The following GRM8 variants were observed in gnomAD, a reference collection of about 807,000 sequenced individuals.
The protein encoded by GRM8 is glutamate metabotropic receptor 8.
In GRM8, 47 loss-of-function variants were observed where a neutral mutation model predicts 87.2. The observed-to-expected ratio is 0.54, with a 90% CI of 0.43 to 0.69. The LOEUF is 0.69. Ranked by LOEUF, GRM8 falls within the 30% of genes least tolerant of loss-of-function variation. The probability of loss-of-function intolerance (pLI) is 0.00; values close to 1 mark genes in which losing one functional copy is unlikely to be tolerated. For synonymous variants in GRM8, 396 were observed against 404.5 expected (o/e 0.98, Z 0.25); for missense variants, 1,019 against 1,139.2 (o/e 0.89, Z 1.52).
At chr7:126,652,201 G>A (rs1386276355) in intron 7 of GRM8, among the ~76,000 whole-genome samples, 4 of 152,084 alleles carry the variant, frequency 2.6e-5, no homozygotes, top group East Asian at 1.9e-4. Flanking sequence ...TTTAAGTATC[G>A]TTAGCTTTAT....
intron 3 of GRM8, among the ~76,000 whole-genome samples, chr7:127,047,945 G>A (rs1033594573): frequency 6.6e-6 from 1 of 152,098 alleles, no homozygotes; most frequent in Non-Finnish European, 1.5e-5. Context: ...ATATAGCTAG[G>A]TGCTTTACTA....
At position 126,446,219 on chromosome 7, in the gene GRM8, C is replaced by A. The variant is rs2150464840; in HGVS notation, c.2584G>T (p.Ala862Ser). 3 of 1,613,062 alleles carry A rather than the reference C, an allele frequency of 1.9e-6. No homozygotes were observed. The East Asian group carries it at 6.7e-5, about 36-fold the overall frequency. Residue 862 changes from alanine to serine, a missense_variant, in exon 10 of 11, where the codon GCT (alanine) becomes TCT (serine). Coordinates refer to ENST00000339582, the MANE Select transcript of GRM8 (RefSeq NM_000845.3). The stretch of plus-strand genomic sequence containing the variant: ...ATCAGTTTGCTTTGCATGGTGGCAG[C>A]TGTCACCACAGCCTTGAAGCTCCTC... ...RKRSFKAVVT[A>S]ATMQSKLIQK...
intron 3 of GRM8, among the ~76,000 whole-genome samples, chr7:126,948,094 C>T (rs1807740766): frequency 6.6e-6 from 1 of 152,142 alleles, no homozygotes; most frequent in Admixed American, 6.5e-5. Flanking sequence ...GCTAGGGATG[C>T]ACAGTTCCAA....
At chr7:126,689,548 T>C (rs1272256765) in intron 7 of GRM8, among the ~76,000 whole-genome samples, 2 of 152,098 alleles carry the variant, frequency 1.3e-5, no homozygotes, top group African/African-American at 4.8e-5. Context: ...AAAAAAATCA[T>C]TCACTAGATA....
At chr7:126,768,730 T>G (rs1818480107) in intron 7 of GRM8, among the ~76,000 whole-genome samples, 2 of 152,020 alleles carry the variant, frequency 1.3e-5, no homozygotes, top group South Asian at 4.1e-4. Flanking sequence ...CAGGTTATGG[T>G]AAACAACCTT....
chr7:126,487,588 G>T (rs115737801), intron 9 of GRM8, among the ~76,000 whole-genome samples: 1 of 151,890 alleles, frequency 6.6e-6, no homozygotes, highest in African/African-American at 2.4e-5. Flanking sequence ...AAAATCCATT[G>T]GTCAATTTTG....
intron 3 of GRM8, among the ~76,000 whole-genome samples, chr7:126,959,633 C>T (rs1443762230): frequency 2.6e-5 from 4 of 152,160 alleles, no homozygotes; most frequent in African/African-American, 9.7e-5. Flanking sequence ...AACTCACCTG[C>T]AAAAATTTGC....
At chr7:127,053,620 T>A (rs958485068) in intron 3 of GRM8, among the ~76,000 whole-genome samples, 8 of 151,924 alleles carry the variant, frequency 5.3e-5, no homozygotes, top group Non-Finnish European at 1.0e-4. Context: ...AAACCCCGTC[T>A]CTCCTAAAAA....
chr7:126,573,005 A>G lies in GRM8; in HGVS notation c.1494+36357T>C, dbSNP rs62479324. On this transcript the variant is annotated intron_variant, in intron 8 of 10. Transcript: ENST00000339582. The stretch of plus-strand genomic sequence containing the variant: ...ACATTAAAATTTTTTAAATCTAAAT[A>G]TAAAGCAAGTAAAAATGCATTAGAA... Among the ~76,000 whole-genome samples, 1,437 of 152,332 alleles carry G rather than the reference A, an allele frequency of 9.4e-3. 15 individuals carry two copies. Among genetic ancestry groups the G allele is most frequent in the Non-Finnish European group, 0.014 (959 of 68,028 alleles).
chr7:127,252,736 C>T lies in GRM8; in HGVS notation c.-312+61G>A, dbSNP rs1418703727. On this transcript the variant is annotated intron_variant, in intron 1 of 10. Coordinates refer to ENST00000339582, the MANE Select transcript of GRM8 (RefSeq NM_000845.3). The surrounding 1 kb of genome is among the most constrained non-coding windows in gnomAD (Gnocchi z 4.9). Reference sequence around the variant, plus strand: ...AGTTTGGGGGCCAGGGGCTTTTTGTCCCGTGGTTCGGCACTTGCTTTCCTC... The same window carrying T: ...AGTTTGGGGGCCAGGGGCTTTTTGTTCCGTGGTTCGGCACTTGCTTTCCTC... The T allele has an allele frequency of 6.5e-6, 1 of 153,956 alleles. No homozygotes were observed. The highest frequency in any genetic ancestry group is 1.9e-4 in the East Asian group (1 of 5,214). 9.5% of individuals were successfully genotyped at this position (153,956 alleles called of 1,614,324 possible). A position where few individuals can be genotyped will look rare whatever the true frequency, so the allele number is the denominator to read the frequency against.
intron 6 of GRM8, among the ~76,000 whole-genome samples, chr7:126,816,627 CATG>C (rs751131067): frequency 6.6e-6 from 1 of 151,546 alleles, no homozygotes; most frequent in Non-Finnish European, 1.5e-5. Context: ...GATTAAATGT[CATG>C]ATGATGATGA....
chr7:126,641,356 G>A (rs1039683884), intron 7 of GRM8, among the ~76,000 whole-genome samples: 9 of 152,090 alleles, frequency 5.9e-5, no homozygotes, highest in African/African-American at 2.2e-4. Context: ...CATACTTTTA[G>A]TCCAATAAAA....
intron 2 of GRM8, among the ~76,000 whole-genome samples, chr7:127,240,224 A>C (rs981336583): frequency 1.3e-5 from 2 of 152,186 alleles, no homozygotes; most frequent in Non-Finnish European, 2.9e-5. Flanking sequence ...AGAATAGAGA[A>C]GAGAGAAGCC....
intron 2 of GRM8, among the ~76,000 whole-genome samples, chr7:127,217,890 T>G (rs1460569492): frequency 6.6e-6 from 1 of 152,228 alleles, no homozygotes; most frequent in African/African-American, 2.4e-5. Context: ...AGCTCTGAAT[T>G]TTGGTAAATT....
Position 126,903,617 on chromosome 7 carries a change from A to ATAGGTATATGTG in GRM8, c.1018+354_1018+355insCACATATACCTA, listed in dbSNP as rs1563300215. On this transcript the variant is annotated intron_variant, in intron 5 of 10. Transcript: ENST00000339582. ...ACACACACACTATATACATATATAC[A>ATAGGTATATGTG]TATATATATGTATATGTGTATATAT... 3.3e-4 allele frequency among the ~76,000 whole-genome samples: 44 copies of ATAGGTATATGTG among 135,338 alleles called. 1 individual carries two copies. The highest frequency in any genetic ancestry group is 3.2e-3 in the East Asian group (14 of 4,354). 88.8% of individuals were successfully genotyped at this position (135,338 alleles called of 152,430 possible).
chr7:126,828,542 A>T (rs1175687219), intron 6 of GRM8, among the ~76,000 whole-genome samples: 3 of 152,118 alleles, frequency 2.0e-5, no homozygotes, highest in South Asian at 2.1e-4. Context: ...TGTATTTCTG[A>T]GGGATTGGTG....
chr7:126,751,183 T>C (rs1816372099), intron 7 of GRM8, among the ~76,000 whole-genome samples: 1 of 152,078 alleles, frequency 6.6e-6, no homozygotes, highest in African/African-American at 2.4e-5. Flanking sequence ...AGAAAACCAA[T>C]GTGACTAAAT....
intron 2 of GRM8, among the ~76,000 whole-genome samples, chr7:127,217,827 C>G (rs948277859): frequency 9.9e-5 from 15 of 152,228 alleles, no homozygotes. Flanking sequence ...TACAGAATAT[C>G]AGTGTTCCAC....
At chr7:126,444,001 G>T (rs184054920) in intron 10 of GRM8, among the ~76,000 whole-genome samples, 2 of 151,766 alleles carry the variant, frequency 1.3e-5, no homozygotes, top group Admixed American at 1.3e-4. Flanking sequence ...CTGAATGACT[G>T]GTATTTATAT....
Sources: gnomAD v4.1 joint callset for allele counts (sites outside exome capture counted in the v4.1 genomes callset) on GRCh38, gnomAD v4.1.1 for gene constraint, Gnocchi (gnomAD v3.1) non-coding constraint, MANE v1.5 for transcripts, NCBI Gene and HGNC (gene_info 2026-07-23, HGNC 2026-07-21) for gene names.